CAMK1D: variants seen among roughly 807,000 people sequenced by gnomAD.
CAMK1D encodes calcium/calmodulin-dependent protein kinase type 1D.
Under a neutral mutation model 47.7 loss-of-function variants are expected in CAMK1D, and 9 were observed. The ratio of observed to expected loss-of-function variants is 0.19; its 90% CI spans 0.11 to 0.33. The LOEUF is 0.33. Ranked by LOEUF, CAMK1D falls within the 10% of genes least tolerant of loss-of-function variation. The pLI is 1.00. For synonymous variants in CAMK1D, 184 were observed against 184.9 expected, an observed-to-expected ratio of 0.99 and a Z score of 0.04; for missense variants, 291 against 488.7, an observed-to-expected ratio of 0.60 and a Z score of 3.81.
At chr10:12,633,352 C>T (rs1305481416) in intron 2 of CAMK1D, among the ~76,000 whole-genome samples, 1 of 152,166 alleles carries the variant, frequency 6.6e-6, no homozygotes, top group Non-Finnish European at 1.5e-5. Flanking sequence ...GGTGAGGCAA[C>T]AGTGCTCCTC....
At chr10:12,704,980 T>G (rs1833675436) in intron 3 of CAMK1D, among the ~76,000 whole-genome samples, 1 of 152,192 alleles carries the variant, frequency 6.6e-6, no homozygotes, top group Admixed American at 6.5e-5. Flanking sequence ...CTAGGCTCTC[T>G]TTCATAGTCT....
chr10:12,827,879 G>A (rs1833314559), intron 10 of CAMK1D, among the ~76,000 whole-genome samples: 1 of 151,980 alleles, frequency 6.6e-6, no homozygotes, highest in East Asian at 1.9e-4. Context: ...TGTAGACCCA[G>A]GGTTGCCCCA....
rs537896875 is a variant in CAMK1D at position 12,742,942 on chromosome 10, G to A, written c.300-18006G>A. ...TATGGATGTGCGCAAGACAGCAGGT[G>A]TTAAAAGAGGAAGGGTGTGTGGGAA... On this transcript the variant is annotated intron_variant, in intron 3 of 10. Coordinates refer to ENST00000619168, the MANE Select transcript of CAMK1D (RefSeq NM_153498.4). Among the ~76,000 whole-genome samples the A allele has an allele frequency of 2.6e-5, 4 of 152,324 alleles. 1 individual carries two copies. In the East Asian group the frequency reaches 7.7e-4, roughly 29 times the overall value.
In CAMK1D at chr10:12,784,198, A is replaced by T. The variant is rs377529899; in HGVS notation, c.566-6960A>T. On this transcript the variant is annotated intron_variant, in intron 5 of 10. Transcript: ENST00000619168. ...ACCCGAACTTCCTTGGAGAAAAGGT[A>T]TTTTTTTTTTTTTTTTTTGAGATGG... 8.2e-4 allele frequency among the ~76,000 whole-genome samples: 111 copies of T among 136,030 alleles called. 1 individual carries two copies. The highest frequency in any genetic ancestry group is 2.4e-3 in the African/African-American group (86 of 36,264). The allele number at this position is 136,030 out of a possible 152,430, so 89.2% of individuals were successfully genotyped here. A position where few individuals can be genotyped will look rare whatever the true frequency, so the allele number is the denominator to read the frequency against.
intron 3 of CAMK1D, among the ~76,000 whole-genome samples, chr10:12,741,477 T>C (rs1431767364): frequency 6.6e-6 from 1 of 152,210 alleles, no homozygotes; most frequent in Non-Finnish European, 1.5e-5. Context: ...TTGCTCTGTT[T>C]CCATGGACAA....
At chr10:12,456,131 C>T (rs1833235944) in intron 1 of CAMK1D, among the ~76,000 whole-genome samples, 1 of 152,136 alleles carries the variant, frequency 6.6e-6, no homozygotes, top group Non-Finnish European at 1.5e-5. Flanking sequence ...GTGAAAAAGT[C>T]ATGAATTACT....
In CAMK1D at chr10:12,520,430, T is replaced by A. The variant is rs1227968028; in HGVS notation, c.93-32795T>A. Among the ~76,000 whole-genome samples the A allele has an allele frequency of 6.6e-5, 5 of 76,000 alleles. 1 individual carries two copies. The highest frequency in any genetic ancestry group is 2.6e-4 in the African/African-American group (5 of 19,034). The allele number at this position is 76,000 out of a possible 152,430, so 49.9% of individuals were successfully genotyped here. A position where few individuals can be genotyped will look rare whatever the true frequency, so the allele number is the denominator to read the frequency against. On this transcript the variant is annotated intron_variant, in intron 1 of 10. Transcript: ENST00000619168. ...TGGGATGGCGGCTGGGCAGAGACGCTCCTCACTTTCCAGACTGGGCAGCCA... is the reference window on the plus strand; with the variant it reads ...TGGGATGGCGGCTGGGCAGAGACGCACCTCACTTTCCAGACTGGGCAGCCA...
At chr10:12,697,751 G>A (rs562014121) in intron 3 of CAMK1D, among the ~76,000 whole-genome samples, 3 of 152,266 alleles carry the variant, frequency 2.0e-5, no homozygotes, top group Non-Finnish European at 4.4e-5. Context: ...CCCTTGACAC[G>A]GGTACTTTTC....
chr10:12,540,661 C>T (rs1001943083), intron 1 of CAMK1D, among the ~76,000 whole-genome samples: 4 of 152,204 alleles, frequency 2.6e-5, no homozygotes, highest in Non-Finnish European at 4.4e-5. Flanking sequence ...AGAATGAAAA[C>T]TGATCTGGAC....
intron 2 of CAMK1D, among the ~76,000 whole-genome samples, chr10:12,635,732 G>A (rs1839495933): frequency 6.6e-6 from 1 of 152,160 alleles, no homozygotes; most frequent in African/African-American, 2.4e-5. Context: ...ATGATCTGCA[G>A]TGCGAAAAGG....
At chr10:12,710,267 C>T (rs1833885644) in intron 3 of CAMK1D, among the ~76,000 whole-genome samples, 1 of 152,106 alleles carries the variant, frequency 6.6e-6, no homozygotes, top group South Asian at 2.1e-4. Context: ...AGCTGGATCC[C>T]GACGTAATGA....
chr10:12,585,363 C>T (rs1451114877), intron 2 of CAMK1D, among the ~76,000 whole-genome samples: 1 of 152,206 alleles, frequency 6.6e-6, no homozygotes, highest in Non-Finnish European at 1.5e-5. Context: ...TAAGCTGCCT[C>T]CGCCTGGGGT....
At chr10:12,797,225 G>T (rs537593741) in intron 6 of CAMK1D, among the ~76,000 whole-genome samples, 53 of 149,788 alleles carry the variant, frequency 3.5e-4, no homozygotes, top group Non-Finnish European at 6.7e-4. Context: ...TAGAGACAGG[G>T]TCTTGCTTTG....
Position 12,568,208 on chromosome 10 carries a change from C to T in CAMK1D, c.224+14852C>T, listed in dbSNP as rs1258794761. ...TCTCCCCCTCTCTCCCTCTTTCCTT[C>T]CCTTCCCTTCCTGCCCCTCCCTTCC... On this transcript the variant is annotated intron_variant, in intron 2 of 10. Coordinates refer to ENST00000619168, the MANE Select transcript of CAMK1D (RefSeq NM_153498.4). Among the ~76,000 whole-genome samples, 10 of 93,158 alleles carry T rather than the reference C, an allele frequency of 1.1e-4. No individual in the cohort carries two copies. The South Asian group carries it at 3.4e-3, about 32-fold the overall frequency. 61.1% of individuals were successfully genotyped at this position (93,158 alleles called of 152,430 possible).
chr10:12,627,273 T>G (rs1469308186), intron 2 of CAMK1D, among the ~76,000 whole-genome samples: 1 of 151,712 alleles, frequency 6.6e-6, no homozygotes, highest in East Asian at 1.9e-4. Flanking sequence ...TTTAGTAGAG[T>G]TGGGGTTTCA....
chr10:12,500,939 T>A (rs916574951), intron 1 of CAMK1D, among the ~76,000 whole-genome samples: 16 of 152,182 alleles, frequency 1.1e-4, no homozygotes, highest in African/African-American at 3.9e-4. Context: ...CACAATCACC[T>A]CCTGTGGTTG....
Position 12,446,628 on chromosome 10 carries a change from C to A in CAMK1D, c.92+96718C>A, listed in dbSNP as rs77145896. On this transcript the variant is annotated intron_variant, in intron 1 of 10. Coordinates refer to ENST00000619168, the MANE Select transcript of CAMK1D (RefSeq NM_153498.4). ...AGTCCCTACTCAAGATGGAGTTGAT[C>A]TGGTTCCAGTGCCTCTGACACTAGT... is the stretch of plus-strand genomic sequence containing the variant. 4.9e-3 allele frequency among the ~76,000 whole-genome samples: 748 copies of A among 152,310 alleles called. 4 individuals are homozygous for A. The highest frequency in any genetic ancestry group is 7.8e-3 in the Non-Finnish European group (534 of 68,034).
At chr10:12,794,260 C>G (rs1838098252) in intron 6 of CAMK1D, among the ~76,000 whole-genome samples, 1 of 152,066 alleles carries the variant, frequency 6.6e-6, no homozygotes, top group East Asian at 1.9e-4. Context: ...GCTTAAATAA[C>G]TGTGTCGATG....
chr10:12,689,707 T>G (rs1588794220), intron 3 of CAMK1D, among the ~76,000 whole-genome samples: 1 of 148,950 alleles, frequency 6.7e-6, no homozygotes, highest in Non-Finnish European at 1.5e-5. Flanking sequence ...ACCCAGGAGG[T>G]GGAGGTTGCG....
Sources: allele counts gnomAD v4.1 joint callset (sites outside exome capture counted in the v4.1 genomes callset), GRCh38; gene constraint gnomAD v4.1.1; transcripts MANE v1.5; gene names NCBI Gene and HGNC (gene_info 2026-07-23, HGNC 2026-07-21).